The following SAMD12 variants were observed in gnomAD, a reference collection of about 807,000 sequenced individuals.
SAMD12 encodes sterile alpha motif domain-containing protein 12.
SAMD12 carries 9 observed loss-of-function variants against 15.0 expected under a neutral mutation model. That is an observed-to-expected ratio of 0.60 (90% CI 0.36 to 1.05). SAMD12 has a LOEUF of 1.05. Among genes scored for constraint, SAMD12 ranks in the 50% least tolerant of loss-of-function variants. SAMD12 has a pLI of 0.01. For synonymous variants in SAMD12, 86 were observed against 90.1 expected (o/e 0.96, Z 0.25); for missense variants, 230 against 234.2 (o/e 0.98, Z 0.12).
intron 2 of SAMD12, among the ~76,000 whole-genome samples, chr8:118,452,968 C>CA (rs1216302147): frequency 6.6e-6 from 1 of 152,312 alleles, no homozygotes; most frequent in African/African-American, 2.4e-5. Flanking sequence ...AATTAGCAGA[C>CA]ACATGCTAGC....
At chr8:118,158,137 A>T in the SAMD12 span, among the ~76,000 whole-genome samples, 1 of 152,238 alleles carries the variant, frequency 6.6e-6, no homozygotes, top group Non-Finnish European at 1.5e-5. Flanking sequence ...TAGGAGACAG[A>T]GGACTCTAGG....
At position 118,343,264 on chromosome 8, in the gene SAMD12, T is replaced by G. The variant is rs1450428104; in HGVS notation, c.433+36296A>C. On this transcript the variant is annotated intron_variant, in intron 4 of 4. Transcript: ENST00000409003. ...GTTATAACCAATTTTCCAGCCTTGATGGAGGATCTCAGGGATCTCTTTCTC... is the reference window on the plus strand; with the variant it reads ...GTTATAACCAATTTTCCAGCCTTGAGGGAGGATCTCAGGGATCTCTTTCTC... Among the ~76,000 whole-genome samples, 3 of 152,230 alleles carry G rather than the reference T, an allele frequency of 2.0e-5. No individual in the cohort carries two copies. The East Asian group carries it at 5.8e-4, about 30-fold the overall frequency.
At chr8:118,211,162 T>TCC (rs892603633) in intron 4 of SAMD12, among the ~76,000 whole-genome samples, 1 of 152,058 alleles carries the variant, frequency 6.6e-6, no homozygotes, top group Non-Finnish European at 1.5e-5. Flanking sequence ...CCAAGCCTTA[T>TCC]CCCCCCATCT....
intron 4 of SAMD12, among the ~76,000 whole-genome samples, chr8:118,319,189 T>C (rs1469366896): frequency 1.3e-5 from 2 of 152,128 alleles, no homozygotes; most frequent in African/African-American, 4.8e-5. Context: ...CACAGATGCA[T>C]TTGCCATAGG....
intron 4 of SAMD12, among the ~76,000 whole-genome samples, chr8:118,336,174 C>G (rs988166950): frequency 6.6e-6 from 1 of 152,166 alleles, no homozygotes; most frequent in Non-Finnish European, 1.5e-5. Flanking sequence ...GATATTTGAA[C>G]CCAGCTCTGA....
intron 2 of SAMD12, among the ~76,000 whole-genome samples, chr8:118,497,721 TGCG>T: frequency 5.7e-5 from 1 of 17,538 alleles, no homozygotes; most frequent in Admixed American, 8.0e-4. Context: ...TAACTTAAGT[TGCG>T]GGGGGGGGTG....
At chr8:118,253,829 T>C (rs535989159) in intron 4 of SAMD12, among the ~76,000 whole-genome samples, 2 of 152,284 alleles carry the variant, frequency 1.3e-5, no homozygotes, top group South Asian at 2.1e-4. Context: ...AAAACCCACT[T>C]ATTCTTAATT....
chr8:118,298,225 T>C (rs1447826919), intron 4 of SAMD12, among the ~76,000 whole-genome samples: 1 of 152,244 alleles, frequency 6.6e-6, no homozygotes, highest in Non-Finnish European at 1.5e-5. Context: ...ATTGATTCCA[T>C]AAATGAATGC....
intron 2 of SAMD12, among the ~76,000 whole-genome samples, chr8:118,558,703 C>T (rs1431375805): frequency 2.0e-5 from 3 of 152,090 alleles, no homozygotes; most frequent in Non-Finnish European, 2.9e-5. Flanking sequence ...GGACTACAGG[C>T]GCGTGCCACC....
chr8:118,363,695 T>G (rs1818621966), intron 4 of SAMD12, among the ~76,000 whole-genome samples: 6 of 152,204 alleles, frequency 3.9e-5, no homozygotes, highest in Admixed American at 3.9e-4. Context: ...CAGCAGATTC[T>G]TTATAATAAA....
intron 4 of SAMD12, among the ~76,000 whole-genome samples, chr8:118,231,854 T>A (rs1182247900): frequency 6.6e-6 from 1 of 151,864 alleles, no homozygotes; most frequent in Non-Finnish European, 1.5e-5. Context: ...CATGAGAACG[T>A]GGTGTGAACA....
At chr8:118,508,420 A>T (rs187713751) in intron 2 of SAMD12, among the ~76,000 whole-genome samples, 204 of 152,216 alleles carry the variant, frequency 1.3e-3, no homozygotes, top group Admixed American at 2.4e-3. Flanking sequence ...CAAAAGACTA[A>T]AGCAGCCTTT....
intron 4 of SAMD12, among the ~76,000 whole-genome samples, chr8:118,274,478 C>T (rs542030942): frequency 1.8e-3 from 275 of 152,138 alleles, no homozygotes; most frequent in Middle Eastern, 3.4e-3. Flanking sequence ...AGTGTAGAGT[C>T]TAGCTAAGAA....
intron 1 of SAMD12, among the ~76,000 whole-genome samples, chr8:118,598,132 G>GT (rs1237529783): frequency 1.3e-5 from 2 of 152,152 alleles, no homozygotes; most frequent in African/African-American, 2.4e-5. Context: ...ATATGCATGT[G>GT]TATCTCTGCA....
intron 4 of SAMD12, among the ~76,000 whole-genome samples, chr8:118,217,183 T>A (rs1811983759): frequency 6.6e-6 from 1 of 152,200 alleles, no homozygotes; most frequent in African/African-American, 2.4e-5. Context: ...TTTGTATTTT[T>A]AGTAGAGACA....
chr8:118,409,614 C>G lies in SAMD12; in HGVS notation c.323-29914G>C, dbSNP rs1019887095. On this transcript the variant is annotated intron_variant, in intron 3 of 3. Coordinates refer to ENST00000314727, the MANE Select transcript of SAMD12 (RefSeq NM_207506.3). ...GAAGGTCAGGATGTATAAAGTATTC[C>G]CAAGAGAGGTGATAAATCCACAGGC... 5.3e-5 allele frequency among the ~76,000 whole-genome samples: 8 copies of G among 151,902 alleles called. 1 individual carries two copies. The highest frequency in any genetic ancestry group is 1.9e-4 in the African/African-American group (8 of 41,338).
intron 4 of SAMD12, among the ~76,000 whole-genome samples, chr8:118,272,251 C>T (rs1038398129): frequency 1.3e-5 from 2 of 152,194 alleles, no homozygotes; most frequent in African/African-American, 4.8e-5. Flanking sequence ...GGGCTTACAC[C>T]CTCTTAAGCA....
At chr8:118,448,178 C>A (rs2130908714) in intron 2 of SAMD12, among the ~76,000 whole-genome samples, 1 of 152,314 alleles carries the variant, frequency 6.6e-6, no homozygotes, top group East Asian at 1.9e-4. Flanking sequence ...AATACCCTCA[C>A]TTCTTTCAAA....
intron 4 of SAMD12, among the ~76,000 whole-genome samples, chr8:118,263,351 GTAGAACAAAAC>G (rs1271361042): frequency 6.6e-6 from 1 of 152,044 alleles, no homozygotes; most frequent in Non-Finnish European, 1.5e-5. Context: ...GTCAAATGTA[GTAGAACAAAAC>G]TAGAACAAGA....
Sources: gnomAD v4.1 joint callset for allele counts (sites outside exome capture counted in the v4.1 genomes callset) on GRCh38, gnomAD v4.1.1 for gene constraint, MANE v1.5 for transcripts, NCBI Gene and HGNC (gene_info 2026-07-23, HGNC 2026-07-21) for gene names.